Variants in IRF2 observed in about 807,000 individuals in gnomAD.
IRF2 encodes the protein interferon regulatory factor 2.
IRF2 carries 15 observed loss-of-function variants against 40.6 expected under a neutral mutation model. The observed-to-expected ratio is 0.37, with a 90% CI of 0.25 to 0.57. The LOEUF (loss-of-function observed/expected upper bound fraction) is 0.57. Ranked by LOEUF, IRF2 falls within the 20% of genes least tolerant of loss-of-function variation. The probability of loss-of-function intolerance (pLI) is 0.77; values close to 1 mark genes in which losing one functional copy is unlikely to be tolerated. For missense variants in IRF2, 317 were observed against 455.7 expected, an observed-to-expected ratio of 0.70 and a Z score of 2.77; for synonymous variants, 151 against 165.5, an observed-to-expected ratio of 0.91 and a Z score of 0.67.
At chr4:184,447,797 G>A (rs891148299) in intron 1 of IRF2, among the ~76,000 whole-genome samples, 15 of 152,216 alleles carry the variant, frequency 9.9e-5, no homozygotes, top group African/African-American at 3.4e-4. Flanking sequence ...CCTTGTCATT[G>A]TCAAAAGTGT....
chr4:184,404,290 C>T (rs1317967652), intron 6 of IRF2, among the ~76,000 whole-genome samples: 8 of 152,154 alleles, frequency 5.3e-5, no homozygotes, highest in African/African-American at 1.7e-4. Flanking sequence ...TTTCCCCTGA[C>T]CCCTCTGAAA....
chr4:184,391,013 G>A (rs1243692494), intron 7 of IRF2, among the ~76,000 whole-genome samples: 6 of 152,342 alleles, frequency 3.9e-5, no homozygotes, highest in South Asian at 2.1e-4. Context: ...AGGAAGGGGC[G>A]CTGGTCCCTG....
intron 1 of IRF2, among the ~76,000 whole-genome samples, chr4:184,434,365 T>A (rs988483107): frequency 6.6e-6 from 1 of 152,246 alleles, no homozygotes. Flanking sequence ...TTTAAACAGA[T>A]GATTCCTGGG....
chr4:184,398,486 G>A (rs190558531), intron 7 of IRF2, among the ~76,000 whole-genome samples: 3 of 151,906 alleles, frequency 2.0e-5, no homozygotes, highest in East Asian at 3.9e-4. Flanking sequence ...GTGAATCCCC[G>A]TCTCTACTAA....
At chr4:184,464,891 C>T (rs567528102) in intron 1 of IRF2, among the ~76,000 whole-genome samples, 17 of 151,396 alleles carry the variant, frequency 1.1e-4, no homozygotes, top group East Asian at 1.9e-4. Flanking sequence ...CCTTTTGGGA[C>T]GGGAGAGGGA....
At chr4:184,458,819 C>A (rs538010488) in intron 1 of IRF2, among the ~76,000 whole-genome samples, 2 of 152,302 alleles carry the variant, frequency 1.3e-5, no homozygotes, top group African/African-American at 4.8e-5. Flanking sequence ...GAATTTGCTT[C>A]CATACAGTTG....
intron 1 of IRF2, among the ~76,000 whole-genome samples, chr4:184,468,259 G>A (rs1045427744): frequency 6.6e-6 from 1 of 152,128 alleles, no homozygotes; most frequent in African/African-American, 2.4e-5. Flanking sequence ...AGGCTGAGGC[G>A]GGCAGATCAC....
At chr4:184,447,790 T>G (rs993779880) in intron 1 of IRF2, among the ~76,000 whole-genome samples, 1 of 152,238 alleles carries the variant, frequency 6.6e-6, no homozygotes, top group East Asian at 1.9e-4. Flanking sequence ...AAAATTGCCT[T>G]GTCATTGTCA....
Position 184,429,002 on chromosome 4 carries a change from G to A in IRF2, c.63C>T (p.Ile21=). 1 of 1,614,132 alleles carries A rather than the reference G, an allele frequency of 6.2e-7. No individual in the cohort carries two copies. The highest frequency in any genetic ancestry group is 8.5e-7 in the Non-Finnish European group (1 of 1,179,970). Residue 21 remains isoleucine, a synonymous_variant, in exon 2 of 9, where the codon ATC becomes ATT. Coordinates refer to ENST00000393593, the MANE Select transcript of IRF2 (RefSeq NM_002199.4). The stretch of plus-strand genomic sequence containing the variant: ...CCTTGTTAAGCCACTTGAGCCCCGG[G>A]ATCGTGTTGGAGTTTATCTGCTCCT... ...WLEEQINSNT[I]PGLKWLNKEK... is the part of the protein sequence containing the mutation.
intron 7 of IRF2, among the ~76,000 whole-genome samples, chr4:184,394,345 A>C (rs1356310139): frequency 1.3e-5 from 2 of 152,186 alleles, no homozygotes; most frequent in African/African-American, 4.8e-5. Flanking sequence ...ATATTGTCTA[A>C]GCAGGAACAC....
chr4:184,425,978 T>TTTG (rs1737655455), intron 2 of IRF2, among the ~76,000 whole-genome samples: 5 of 98,922 alleles, frequency 5.1e-5, no homozygotes, highest in Non-Finnish European at 5.3e-5. Flanking sequence ...TCACTCCGGT[T>TTTG]TTTGTTTGTT....
chr4:184,473,546 A>T (rs1229850268), intron 1 of IRF2, among the ~76,000 whole-genome samples: 1 of 147,506 alleles, frequency 6.8e-6, no homozygotes, highest in Non-Finnish European at 1.5e-5. Flanking sequence ...GGCCGGCGGG[A>T]AGGAGGACGC....
intron 2 of IRF2, among the ~76,000 whole-genome samples, chr4:184,424,505 AG>A (rs143811600): frequency 0.068 from 10,292 of 152,108 alleles, 740 homozygotes; most frequent in East Asian, 0.21. Context: ...AGTTGTCATG[AG>A]GGGTAGGATT....
rs1414492152 is a variant in IRF2 at position 184,389,007 on chromosome 4, C to T, written c.801G>A (p.Gly267=). Residue 267 remains glycine (G), a synonymous_variant, in exon 9 of 9, where the codon GGG becomes GGA. Transcript: ENST00000393593. ...CGGGCAGCAGGTAGGAGCCTCGAGT[C>T]CCCATGTTGCTGAGGTACTGTTTGC... ...IEGKQYLSNM[G]TRGSYLLPGM... 1.2e-6 allele frequency: 2 copies of T among 1,614,208 alleles called. No individual in the cohort carries two copies. Among genetic ancestry groups the T allele is most frequent in the South Asian group, 1.1e-5 (1 of 91,084 alleles).
At chr4:184,391,339 T>C (rs1736254372) in intron 7 of IRF2, among the ~76,000 whole-genome samples, 1 of 152,210 alleles carries the variant, frequency 6.6e-6, no homozygotes, top group Non-Finnish European at 1.5e-5. Flanking sequence ...TGTCTGCTTC[T>C]AACAAATAAG....
At chr4:184,440,813 T>C (rs1451721941) in intron 1 of IRF2, among the ~76,000 whole-genome samples, 3 of 152,148 alleles carry the variant, frequency 2.0e-5, no homozygotes, top group Non-Finnish European at 4.4e-5. Flanking sequence ...TTTCTTAGAC[T>C]AGATGGGTGG....
At chr4:184,449,305 C>T (rs183103723) in intron 1 of IRF2, among the ~76,000 whole-genome samples, 2 of 152,334 alleles carry the variant, frequency 1.3e-5, no homozygotes, top group East Asian at 3.9e-4. Context: ...TCAAGAGCAT[C>T]CCCTCTCCCA....
chr4:184,437,638 G>A (rs2553538), intron 1 of IRF2, among the ~76,000 whole-genome samples: 7,319 of 152,262 alleles, frequency 0.048, 593 homozygotes, highest in African/African-American at 0.17. Flanking sequence ...TTGAACCTCA[G>A]GAGGGTCTCA....
At chr4:184,390,800 T>G in intron 7 of IRF2, 51 bp from the exon 8 acceptor site, 1 of 1,598,270 alleles carries the variant, frequency 6.3e-7, no homozygotes, top group Non-Finnish European at 8.6e-7. Flanking sequence ...CCTCAAGCTG[T>G]CCCCAGGCTC....
Sources: gnomAD v4.1 joint callset for allele counts (sites outside exome capture counted in the v4.1 genomes callset) on GRCh38, gnomAD v4.1.1 for gene constraint, MANE v1.5 for transcripts, NCBI Gene and HGNC (gene_info 2026-07-23, HGNC 2026-07-21) for gene names.